STK32A: variants seen among roughly 807,000 people sequenced by gnomAD.
The protein encoded by STK32A is serine/threonine-protein kinase 32A.
STK32A carries 41 observed loss-of-function variants against 53.2 expected under a neutral mutation model. That is an observed-to-expected ratio of 0.77 (90% CI 0.60 to 1.00). The LOEUF is 1.00. Among genes scored for constraint, STK32A ranks in the 50% least tolerant of loss-of-function variants. The probability of loss-of-function intolerance (pLI) is 0.00; values close to 1 mark genes in which losing one functional copy is unlikely to be tolerated. For synonymous variants in STK32A, 166 were observed against 162.8 expected, an observed-to-expected ratio of 1.02 and a Z score of -0.15; for missense variants, 458 against 485.8, an observed-to-expected ratio of 0.94 and a Z score of 0.54.
chr5:147,383,035 C>A (rs987301079), intron 11 of STK32A: 1 of 194,198 alleles, frequency 5.1e-6, no homozygotes, highest in African/African-American at 2.4e-5. Flanking sequence ...GTGCAAACTG[C>A]TCCGGAACAT....
chr5:147,260,827 C>A (rs761356163), intron 2 of STK32A, among the ~76,000 whole-genome samples: 7 of 152,208 alleles, frequency 4.6e-5, no homozygotes, highest in African/African-American at 1.7e-4. Flanking sequence ...CTCACTCCGT[C>A]CAGCAGTAGG....
intron 5 of STK32A, among the ~76,000 whole-genome samples, chr5:147,340,871 T>C (rs1028950685): frequency 2.0e-5 from 3 of 152,192 alleles, no homozygotes; most frequent in Non-Finnish European, 4.4e-5. Flanking sequence ...CTACAGTGAC[T>C]TACCAGAGTA....
chr5:147,344,687 C>A (rs1049340103), intron 6 of STK32A, among the ~76,000 whole-genome samples: 1 of 152,216 alleles, frequency 6.6e-6, no homozygotes, highest in Non-Finnish European at 1.5e-5. Context: ...GAGAAGTGCT[C>A]CCCCTGCCCA....
intron 5 of STK32A, among the ~76,000 whole-genome samples, chr5:147,330,759 A>G (rs1003173633): frequency 5.9e-4 from 90 of 152,104 alleles, no homozygotes; most frequent in African/African-American, 2.1e-3. Flanking sequence ...TCTACCACAC[A>G]CTCATTCCCC....
chr5:147,400,612 C>A, the STK32A span: 1 of 1,541,034 alleles, frequency 6.5e-7, no homozygotes, highest in South Asian at 1.3e-5. Context: ...GTGTCACCAG[C>A]CCAACTGGTG....
At chr5:147,257,712 G>A (rs761166668) in intron 2 of STK32A, among the ~76,000 whole-genome samples, 3 of 152,170 alleles carry the variant, frequency 2.0e-5, no homozygotes, top group East Asian at 3.9e-4. Context: ...AGGCTGGCTC[G>A]AGTTTTCCTT....
chr5:147,303,150 G>A (rs1294763660), intron 4 of STK32A, among the ~76,000 whole-genome samples: 1 of 152,108 alleles, frequency 6.6e-6, no homozygotes, highest in Non-Finnish European at 1.5e-5. Flanking sequence ...CAATATTCAA[G>A]GGCTGTATAG....
chr5:147,395,382 C>T, the STK32A span, among the ~76,000 whole-genome samples: 1 of 152,140 alleles, frequency 6.6e-6, no homozygotes, highest in African/African-American at 2.4e-5. Flanking sequence ...TTACCAGGAC[C>T]CCTTGTCAAT....
chr5:147,266,113 A>G (rs1487116931), intron 2 of STK32A, among the ~76,000 whole-genome samples: 1 of 152,178 alleles, frequency 6.6e-6, no homozygotes, highest in Non-Finnish European at 1.5e-5. Context: ...TTCTGTTCAA[A>G]GATCATGCAG....
chr5:147,365,000 G>A (rs1304013972), intron 8 of STK32A, among the ~76,000 whole-genome samples: 1 of 152,136 alleles, frequency 6.6e-6, no homozygotes, highest in Non-Finnish European at 1.5e-5. Flanking sequence ...AAAGAATTGG[G>A]TATCTCAAGT....
chr5:147,383,679 T>G (rs940184108), intron 12 of STK32A, among the ~76,000 whole-genome samples, 174 bp downstream of exon 12: 16 of 152,226 alleles, frequency 1.1e-4, no homozygotes, highest in African/African-American at 3.6e-4. Context: ...TTAACATTTT[T>G]TAATTGATAA....
chr5:147,400,684 T>C, the STK32A span: 5 of 1,613,682 alleles, frequency 3.1e-6, no homozygotes, highest in African/African-American at 2.7e-5. Flanking sequence ...ATGACCTCCA[T>C]GCCTTACCAC....
intron 8 of STK32A, among the ~76,000 whole-genome samples, chr5:147,363,819 C>A (rs1581140763): frequency 2.0e-5 from 3 of 152,248 alleles, no homozygotes; most frequent in African/African-American, 7.2e-5. Context: ...TTTCTGGTTG[C>A]TTTTTGCTTA....
intron 2 of STK32A, among the ~76,000 whole-genome samples, chr5:147,263,535 C>CA (rs1301084811): frequency 1.3e-5 from 2 of 151,790 alleles, no homozygotes; most frequent in African/African-American, 2.4e-5. Flanking sequence ...AATAACCAGA[C>CA]AAAAAACAAA....
intron 4 of STK32A, among the ~76,000 whole-genome samples, chr5:147,281,941 G>A (rs1465513089): frequency 6.6e-6 from 1 of 152,184 alleles, no homozygotes; most frequent in African/African-American, 2.4e-5. Context: ...AGAAGGGATT[G>A]GAGCCCTATC....
intron 4 of STK32A, among the ~76,000 whole-genome samples, chr5:147,319,134 T>C (rs1417563517): frequency 2.1e-5 from 3 of 144,824 alleles, no homozygotes; most frequent in South Asian, 2.2e-4. Context: ...AAAACACAAC[T>C]GGTACTTTTT....
chr5:147,377,486 A>AT (rs1222595720), intron 11 of STK32A, among the ~76,000 whole-genome samples: 3 of 151,700 alleles, frequency 2.0e-5, no homozygotes, highest in Admixed American at 6.6e-5. Flanking sequence ...GTGCCTTGTG[A>AT]TTTTTTTTCT....
chr5:147,363,987 G>C (rs147532948), intron 8 of STK32A, among the ~76,000 whole-genome samples: 1 of 151,992 alleles, frequency 6.6e-6, no homozygotes, highest in African/African-American at 2.4e-5. Flanking sequence ...AGGCTGAGGC[G>C]GGCAGATCAC....
chr5:147,355,790 G>GTATATATATATATA (rs1276723577), intron 7 of STK32A, among the ~76,000 whole-genome samples: 4 of 137,790 alleles, frequency 2.9e-5, no homozygotes, highest in African/African-American at 1.1e-4. Flanking sequence ...GAGTGTGTGT[G>GTATATATATATATA]TGTATATATA....
Sources: allele counts gnomAD v4.1 joint callset (sites outside exome capture counted in the v4.1 genomes callset), GRCh38; gene constraint gnomAD v4.1.1; transcripts MANE v1.5; gene names NCBI Gene and HGNC (gene_info 2026-07-23, HGNC 2026-07-21).